TRAPPC14: variants seen among roughly 807,000 people sequenced by gnomAD.
TRAPPC14 encodes microtubule associated protein 11.
TRAPPC14 carries 24 observed loss-of-function variants against 56.6 expected under a neutral mutation model. That is an observed-to-expected ratio of 0.42 (90% CI 0.31 to 0.60). The LOEUF is 0.60. TRAPPC14 is among the 20% of genes least tolerant of loss of function. The probability of loss-of-function intolerance (pLI) is 0.14; values close to 1 mark genes in which losing one functional copy is unlikely to be tolerated. For missense variants in TRAPPC14, 615 were observed against 790.3 expected, an observed-to-expected ratio of 0.78 and a Z score of 2.66; for synonymous variants, 377 against 347.0, an observed-to-expected ratio of 1.09 and a Z score of -0.96.
intron 8 of TRAPPC14, 82 bp from the exon 9 acceptor site, chr7:100,155,907 T>C (rs1430146632): frequency 6.4e-7 from 1 of 1,556,484 alleles, no homozygotes; most frequent in Middle Eastern, 1.7e-4. Context: ...CTCATCTGAT[T>C]CTCAAAGCCA....
At position 100,156,568 on chromosome 7, in the gene TRAPPC14, G is replaced by T; in HGVS notation, c.1077-19C>A. 6.2e-7 allele frequency: 1 copy of T among 1,613,554 alleles called. No individual in the cohort carries two copies. ...GGGCAGGCTAGGAGTGGTGAGAGAG[G>T]GATGCTGGCTGTGTGTGTCAGGCCA... On this transcript the variant is annotated intron_variant, in intron 7 of 10. Coordinates refer to ENST00000316937, the MANE Select transcript of TRAPPC14 (RefSeq NM_018275.5).
rs750667016 is a variant in TRAPPC14 at position 100,156,414 on chromosome 7, G to A, written c.1212C>T (p.Leu404=). The A allele has an allele frequency of 6.8e-6, 11 of 1,614,032 alleles. No homozygotes were observed. Among genetic ancestry groups the A allele is most frequent in the South Asian group, 1.1e-5 (1 of 91,086 alleles). ...NNLQDFLAVR[L]VWTPEHAQAG... ...CCTGTGCATGCTCTGGGGTCCACAC[G>A]AGCCTCACAGCAAGGAAGTCTTGGA... Residue 404 remains leucine (L), a synonymous_variant, in exon 8 of 11, where the codon CTC becomes CTT. Transcript: ENST00000316937.
Position 100,157,151 on chromosome 7 carries a change from T to A in TRAPPC14, c.788A>T (p.Asn263Ile). Residue 263 changes from asparagine to isoleucine, a missense_variant, in exon 5 of 11, where the codon AAC (asparagine) becomes ATC (isoleucine). By Grantham distance (149) the Asn-to-Ile change is moderately radical. Coordinates refer to ENST00000316937, the MANE Select transcript of TRAPPC14 (RefSeq NM_018275.5). ...GGGCATGACAGGTAGATAACTGGCGTTGAAGTTGGGGAGGATTCGGATATC... is the reference window on the plus strand; with the variant it reads ...GGGCATGACAGGTAGATAACTGGCGATGAAGTTGGGGAGGATTCGGATATC... ...IWDIRILPNF[N>I]ASYLPVMPDG... 3 of 1,614,106 alleles carry A rather than the reference T, an allele frequency of 1.9e-6. No homozygotes were observed. Among genetic ancestry groups the A allele is most frequent in the Non-Finnish European group, 2.5e-6 (3 of 1,180,020 alleles).
chr7:100,156,911 G>T lies in TRAPPC14; in HGVS notation c.927C>A (p.Ala309=), dbSNP rs1262924557. 3.8e-5 allele frequency: 61 copies of T among 1,613,964 alleles called. No homozygotes were observed. The highest frequency in any genetic ancestry group is 5.1e-5 in the Non-Finnish European group (60 of 1,180,044). The change falls in exon 6 of 11, where the codon GCC becomes GCA. Residue 309 remains alanine, a synonymous_variant. Transcript: ENST00000316937. The stretch of plus-strand genomic sequence containing the variant: ...GAAACAGGAAGTTGTGTTCCTCCAG[G>T]GCATTCAGCGGGCAGGGGAAGCAGC... ...TSGCFPCPLN[A]LEEHNFLFQL...
chr7:100,158,026 C>G, intron 1 of TRAPPC14, 63 bp downstream of exon 1: 1 of 1,398,984 alleles, frequency 7.1e-7, no homozygotes, highest in Admixed American at 2.8e-5. Flanking sequence ...TCATCTGCCT[C>G]CTGCCTCAGG....
In TRAPPC14 at chr7:100,155,310, C is replaced by T. The variant is rs1798853105; in HGVS notation, c.1541G>A (p.Arg514His). 2 of 1,556,282 alleles carry T rather than the reference C, an allele frequency of 1.3e-6. No individual in the cohort carries two copies. The highest frequency in any genetic ancestry group is 1.7e-6 in the Non-Finnish European group (2 of 1,150,646). ...CTGCTGGTGGGAGAAGGACTGGGAG[C>T]GGCCCAGGCTAGCCTGATGCCTCTC... is the stretch of plus-strand genomic sequence containing the variant. ...LVERHQASLG[R>H]SQSFSHQQPS... The change falls in exon 10 of 11, where the codon CGC becomes CAC. Residue 514 changes from arginine (R) to histidine (H), a missense_variant. Arg to His is a conservative substitution (Grantham distance 29, BLOSUM62 0). Coordinates refer to ENST00000316937, the MANE Select transcript of TRAPPC14 (RefSeq NM_018275.5).
chr7:100,155,659 TC>T lies in TRAPPC14; in HGVS notation c.1395+11del. The T allele has an allele frequency of 6.3e-7, 1 of 1,590,690 alleles. No individual in the cohort carries two copies. Among genetic ancestry groups the T allele is most frequent in the Non-Finnish European group, 8.6e-7 (1 of 1,166,940 alleles). On this transcript the variant is annotated intron_variant, in intron 9 of 10. Transcript: ENST00000316937. ...ATCACTCAGCACTCAGCCCAGACCCTCCCCAGCCCACCTCGAAGAGCCCCGT... is the reference window on the plus strand; with the variant it reads ...ATCACTCAGCACTCAGCCCAGACCCTCCCAGCCCACCTCGAAGAGCCCCGT...
Position 100,156,398 on chromosome 7 carries a change from G to T in TRAPPC14, c.1228C>A (p.His410Asn). 1.2e-6 allele frequency: 2 copies of T among 1,614,110 alleles called. No homozygotes were observed. ...LAVRLVWTPE[H>N]AQAGKQLCEE... ...GCAGCTGACCTACCAGCCTGTGCAT[G>T]CTCTGGGGTCCACACGAGCCTCACA... The change falls in exon 8 of 11, where the codon CAT becomes AAT. Residue 410 changes from histidine (H) to asparagine (N), a missense_variant. By Grantham distance (68) the His-to-Asn change is moderately conservative (BLOSUM62 1). Coordinates refer to ENST00000316937, the MANE Select transcript of TRAPPC14 (RefSeq NM_018275.5).
chr7:100,156,558 G>GGTGAGAGAGGGATGCTGGCTGTGTGT lies in TRAPPC14; in HGVS notation c.1077-35_1077-10dup. On this transcript the variant is annotated splice_polypyrimidine_tract_variant and intron_variant, in intron 7 of 10. Transcript: ENST00000316937. ...AGCGGACACTGGGCAGGCTAGGAGTGGTGAGAGAGGGATGCTGGCTGTGTG... is the reference window on the plus strand; with the variant it reads ...AGCGGACACTGGGCAGGCTAGGAGTGGTGAGAGAGGGATGCTGGCTGTGTGTGTGAGAGAGGGATGCTGGCTGTGTG... 6.2e-7 allele frequency: 1 copy of GGTGAGAGAGGGATGCTGGCTGTGTGT among 1,613,820 alleles called. No homozygotes were observed. The highest frequency in any genetic ancestry group is 8.5e-7 in the Non-Finnish European group (1 of 1,179,786).
At position 100,157,948 on chromosome 7, in the gene TRAPPC14, G is replaced by A; in HGVS notation, c.412-10C>T. The A allele has an allele frequency of 6.5e-7, 1 of 1,533,776 alleles. No homozygotes were observed. The highest frequency in any genetic ancestry group is 8.8e-7 in the Non-Finnish European group (1 of 1,139,398). On this transcript the variant is annotated splice_polypyrimidine_tract_variant and intron_variant, in intron 1 of 10. Transcript: ENST00000316937. ...GTTCCTCCACAGGCAGCTGGGGTTG[G>A]GAAAGGGGTGAAGAGGTCAGGAGCA...
Position 100,156,334 on chromosome 7 carries a change from C to T in TRAPPC14, c.1240+52G>A. On this transcript the variant is annotated intron_variant, in intron 8 of 10. Coordinates refer to ENST00000316937, the MANE Select transcript of TRAPPC14 (RefSeq NM_018275.5). ...CACTGTCCTGCCTCCCTGACTTTTTCCTTTCTCTTCCCCTCCCTGGGGACC... is the reference window on the plus strand; with the variant it reads ...CACTGTCCTGCCTCCCTGACTTTTTTCTTTCTCTTCCCCTCCCTGGGGACC... 11 of 1,590,430 alleles carry T rather than the reference C, an allele frequency of 6.9e-6. No homozygotes were observed. The Admixed American group carries it at 1.4e-4, about 20-fold the overall frequency.
chr7:100,154,955 C>A lies in TRAPPC14; in HGVS notation c.*56G>T. The A allele has an allele frequency of 6.3e-7, 1 of 1,585,438 alleles. No homozygotes were observed. The highest frequency in any genetic ancestry group is 8.7e-7 in the Non-Finnish European group (1 of 1,154,308). ...GGAGGCACAGCCCGGGAGCAGGGAT[C>A]CCCTCTGGGGGCGTTGGGTCTCTGG... On this transcript the variant is annotated 3_prime_UTR_variant, in exon 11 of 11. Transcript: ENST00000316937.
chr7:100,155,995 G>A, intron 8 of TRAPPC14, 170 bp from the exon 9 acceptor site: 1 of 870,922 alleles, frequency 1.1e-6, no homozygotes. Context: ...CTGTGTGCAA[G>A]GCACGTCACG....
In TRAPPC14 at chr7:100,155,282, A is replaced by G. The variant is rs1248579462; in HGVS notation, c.1569T>C (p.Pro523=). The change falls in exon 10 of 11, where the codon CCT becomes CCC. Residue 523 remains proline, a synonymous_variant. Coordinates refer to ENST00000316937, the MANE Select transcript of TRAPPC14 (RefSeq NM_018275.5). ...GRSQSFSHQQ[P]SRSHLMRSGS... ...TGTACCTCATGAGGTGGCTTCGGGA[A>G]GGCTGCTGGTGGGAGAAGGACTGGG... The G allele has an allele frequency of 6.4e-7, 1 of 1,565,186 alleles. No homozygotes were observed. Among genetic ancestry groups the G allele is most frequent in the South Asian group, 1.2e-5 (1 of 86,006 alleles).
intron 8 of TRAPPC14, 141 bp from the exon 9 acceptor site, chr7:100,155,966 T>C (rs754870787): frequency 1.9e-6 from 2 of 1,058,720 alleles, no homozygotes; most frequent in Non-Finnish European, 2.9e-6. Flanking sequence ...ATGTTGTAGA[T>C]AACAACAGCT....
chr7:100,158,639 G>A lies in TRAPPC14; in HGVS notation c.-140C>T, dbSNP rs928674691. 7.1e-6 allele frequency: 6 copies of A among 844,352 alleles called. No homozygotes were observed. The highest frequency in any genetic ancestry group is 9.5e-6 in the Non-Finnish European group (6 of 631,866). The allele number at this position is 844,352 out of a possible 1,614,324, so 52.3% of individuals were successfully genotyped here. A position where few individuals can be genotyped will look rare whatever the true frequency, so the allele number is the denominator to read the frequency against. On this transcript the variant is annotated 5_prime_UTR_variant, in exon 1 of 11. Coordinates refer to ENST00000316937, the MANE Select transcript of TRAPPC14 (RefSeq NM_018275.5). ...CGGCCGGAGAGACCGGCCCGGTCCC[G>A]GCACCGGGGCAACGAACCCGAACCG...
At position 100,158,592 on chromosome 7, in the gene TRAPPC14, C is replaced by T; in HGVS notation, c.-93G>A. 2 of 1,195,442 alleles carry T rather than the reference C, an allele frequency of 1.7e-6. No homozygotes were observed. Among genetic ancestry groups the T allele is most frequent in the Non-Finnish European group, 2.1e-6 (2 of 948,756 alleles). 74.1% of individuals were successfully genotyped at this position (1,195,442 alleles called of 1,614,324 possible). ...TGGGTCCAGAGGGTCCCGACACCTC[C>T]GGCTGCTGCGCCCGGCTGGGGCGGC... On this transcript the variant is annotated 5_prime_UTR_variant, in exon 1 of 11. Transcript: ENST00000316937.
chr7:100,157,941 G>C lies in TRAPPC14; in HGVS notation c.412-3C>G. The C allele has an allele frequency of 6.5e-7, 1 of 1,536,132 alleles. No homozygotes were observed. The highest frequency in any genetic ancestry group is 8.8e-7 in the Non-Finnish European group (1 of 1,140,174). The stretch of plus-strand genomic sequence containing the variant: ...ACAATCGGTTCCTCCACAGGCAGCT[G>C]GGGTTGGGAAAGGGGTGAAGAGGTC... On this transcript the variant is annotated splice_polypyrimidine_tract_variant and splice_region_variant and intron_variant, in intron 1 of 10. Coordinates refer to ENST00000316937, the MANE Select transcript of TRAPPC14 (RefSeq NM_018275.5).
intron 4 of TRAPPC14, 25 bp downstream of exon 4, chr7:100,157,348 G>C: frequency 6.2e-7 from 1 of 1,613,138 alleles, no homozygotes; most frequent in South Asian, 1.1e-5. Context: ...TGCTCCCGGA[G>C]GCTGGAGCCG....
Sources: allele counts gnomAD v4.1 joint callset, GRCh38; gene constraint gnomAD v4.1.1; transcripts MANE v1.5; gene names NCBI Gene and HGNC (gene_info 2026-07-23, HGNC 2026-07-21).